CDCA2: variants seen among roughly 807,000 people sequenced by gnomAD.
CDCA2 encodes cell division cycle associated 2.
In CDCA2, 44 loss-of-function variants were observed where a neutral mutation model predicts 67.0. The observed-to-expected ratio is 0.66, with a 90% confidence interval of 0.52 to 0.84. CDCA2 has a LOEUF of 0.84. CDCA2 is among the 40% of genes least tolerant of loss of function. The probability of loss-of-function intolerance (pLI) is 0.00; values close to 1 mark genes in which losing one functional copy is unlikely to be tolerated. For missense variants in CDCA2, 1,253 were observed against 1,203.2 expected, an observed-to-expected ratio of 1.04 and a Z score of -0.61; for synonymous variants, 447 against 418.7, an observed-to-expected ratio of 1.07 and a Z score of -0.82.
rs779013130 is a variant in CDCA2 at position 25,484,049 on chromosome 8, G to A, written c.1204G>A (p.Glu402Lys). 1.2e-6 allele frequency: 2 copies of A among 1,614,060 alleles called. No individual in the cohort carries two copies. Among genetic ancestry groups the A allele is most frequent in the African/African-American group, 2.7e-5 (2 of 74,916 alleles). The change falls in exon 10 of 15, where the codon GAA (glutamate) becomes AAA (lysine). Residue 402 changes from glutamate (E) to lysine (K), a missense_variant. Coordinates refer to ENST00000330560, the MANE Select transcript of CDCA2 (RefSeq NM_152562.4). ...TACTTTTGGAGAGGACTTAAGCCCG[G>A]AAGTGTTTGATGAATCTTTGCCAGC... ...RVTFGEDLSP[E>K]VFDESLPANT...
At chr8:25,493,801 A>C (rs1052461947) in intron 13 of CDCA2, among the ~76,000 whole-genome samples, 2 of 152,190 alleles carry the variant, frequency 1.3e-5, no homozygotes, top group African/African-American at 4.8e-5. Context: ...GCACACTCAT[A>C]CATTTTCTGC....
chr8:25,493,758 C>T (rs1586516918), intron 13 of CDCA2, among the ~76,000 whole-genome samples: 1 of 152,144 alleles, frequency 6.6e-6, no homozygotes, highest in South Asian at 2.1e-4. Context: ...AAGTTGACAG[C>T]ATACTCACGT....
At position 25,503,704 on chromosome 8, in the gene CDCA2, G is replaced by A. The variant is rs1057297670; in HGVS notation, c.1843+160G>A. On this transcript the variant is annotated intron_variant, in intron 14 of 14. Transcript: ENST00000330560. Reference sequence around the variant, plus strand: ...ATTACCATGAGGATTTCAAATGGAGGAAACAGTCACGTGTAACTTGTAGGT... The same window carrying A: ...ATTACCATGAGGATTTCAAATGGAGAAAACAGTCACGTGTAACTTGTAGGT... The A allele has an allele frequency of 1.3e-5, 8 of 637,390 alleles. No individual in the cohort carries two copies. In the Admixed American group the frequency reaches 2.7e-4, roughly 21 times the overall value. The allele number at this position is 637,390 out of a possible 1,614,324, so 39.5% of individuals were successfully genotyped here. A position where few individuals can be genotyped will look rare whatever the true frequency, so the allele number is the denominator to read the frequency against.
rs768990058 is a variant in CDCA2 at position 25,507,199 on chromosome 8, G to GA, written c.2540dup (p.Asn847LysfsTer17). 170 of 1,613,972 alleles carry GA rather than the reference G, an allele frequency of 1.1e-4. No homozygotes were observed. The highest frequency in any genetic ancestry group is 9.7e-5 in the Non-Finnish European group (115 of 1,180,010). On this transcript the variant is annotated frameshift_variant, in exon 15 of 15. Transcript: ENST00000330560. LOFTEE classifies it low-confidence loss of function (END_TRUNC). ...TTCTGATGGTCGAAGTTTACATTTG[G>GA]AAAAAAATGGAAATCACACACCATC... is the stretch of plus-strand genomic sequence containing the variant.
At chr8:25,473,386 A>G (rs1049407401) in intron 7 of CDCA2, among the ~76,000 whole-genome samples, 1 of 152,186 alleles carries the variant, frequency 6.6e-6, no homozygotes, top group Admixed American at 6.5e-5. Flanking sequence ...AATTTTATCA[A>G]ATGCTTTTTC....
chr8:25,472,712 A>C (rs1303319030), intron 7 of CDCA2, among the ~76,000 whole-genome samples: 1 of 152,134 alleles, frequency 6.6e-6, no homozygotes, highest in Non-Finnish European at 1.5e-5. Context: ...TCTTAAATTT[A>C]TTACTATTAT....
intron 3 of CDCA2, 27 bp from the exon 4 acceptor site, chr8:25,462,027 C>G (rs1802710987): frequency 1.2e-5 from 19 of 1,603,118 alleles, no homozygotes; most frequent in Non-Finnish European, 1.6e-5. Flanking sequence ...TTGTTTTGTT[C>G]CAATTTATAA....
chr8:25,479,884 C>T (rs750868160), intron 7 of CDCA2, 29 bp from the exon 8 acceptor site: 3 of 1,593,844 alleles, frequency 1.9e-6, no homozygotes, highest in East Asian at 2.2e-5. Context: ...AGATCTTCTG[C>T]CTCTCAAGTT....
intron 8 of CDCA2, among the ~76,000 whole-genome samples, chr8:25,482,467 C>G (rs944257061): frequency 6.6e-6 from 1 of 152,020 alleles, no homozygotes; most frequent in African/African-American, 2.4e-5. Flanking sequence ...GAACCAACCA[C>G]AGATCAAAAA....
In CDCA2 at chr8:25,477,943, T is replaced by C. The variant is rs184776412; in HGVS notation, c.821-1970T>C. ...TTTTTCTTTTCCTTTTTTTTTTTTT[T>C]CTTAAGTTAGAGTCTCGCTGTCACC... is the stretch of plus-strand genomic sequence containing the variant. On this transcript the variant is annotated intron_variant, in intron 7 of 14. Transcript: ENST00000330560. Among the ~76,000 whole-genome samples the C allele has an allele frequency of 2.3e-3, 352 of 151,674 alleles. 2 individuals are homozygous for C. In the South Asian group the frequency reaches 0.027, roughly 12 times the overall value.
chr8:25,484,863 A>G (rs1030161129), intron 10 of CDCA2, among the ~76,000 whole-genome samples: 1 of 152,188 alleles, frequency 6.6e-6, no homozygotes, highest in Non-Finnish European at 1.5e-5. Flanking sequence ...GGGGTAGGTT[A>G]ATTGATGTCA....
rs1804748940 is a variant in CDCA2 at position 25,507,854 on chromosome 8, A to T, written c.*116A>T. Reference sequence around the variant, plus strand: ...GTGTTTCAAAAGTTCCTAATAAATAAACTCATTTGAGTTGAACCTACTTTT... The same window carrying T: ...GTGTTTCAAAAGTTCCTAATAAATATACTCATTTGAGTTGAACCTACTTTT... On this transcript the variant is annotated 3_prime_UTR_variant, in exon 15 of 15. Transcript: ENST00000330560. The T allele has an allele frequency of 9.0e-7, 1 of 1,105,636 alleles. No individual in the cohort carries two copies. Among genetic ancestry groups the T allele is most frequent in the African/African-American group, 1.6e-5 (1 of 63,796 alleles). The allele number at this position is 1,105,636 out of a possible 1,614,324, so 68.5% of individuals were successfully genotyped here. A position where few individuals can be genotyped will look rare whatever the true frequency, so the allele number is the denominator to read the frequency against.
At chr8:25,496,893 C>T (rs1190761896) in intron 13 of CDCA2, among the ~76,000 whole-genome samples, 2 of 152,086 alleles carry the variant, frequency 1.3e-5, no homozygotes, top group African/African-American at 4.8e-5. Flanking sequence ...TTTGGGAAAA[C>T]GTAATTGCAG....
At chr8:25,504,388 C>T (rs1017359663) in intron 14 of CDCA2, among the ~76,000 whole-genome samples, 3 of 151,710 alleles carry the variant, frequency 2.0e-5, no homozygotes, top group African/African-American at 4.8e-5. Context: ...GCCTCAGCCT[C>T]CCAAACTACT....
At chr8:25,483,757 G>A (rs1319096509) in intron 9 of CDCA2, among the ~76,000 whole-genome samples, 1 of 152,006 alleles carries the variant, frequency 6.6e-6, no homozygotes, top group Non-Finnish European at 1.5e-5. Context: ...ATTTTTACTT[G>A]GAAATCTGTT....
At chr8:25,461,056 T>G (rs1460751873) in intron 3 of CDCA2, among the ~76,000 whole-genome samples, 1 of 150,786 alleles carries the variant, frequency 6.6e-6, no homozygotes, top group Non-Finnish European at 1.5e-5. Flanking sequence ...TCACCGGAGG[T>G]CAGGAGTTCG....
intron 8 of CDCA2, among the ~76,000 whole-genome samples, chr8:25,481,233 C>CAA (rs11438950): frequency 0.019 from 2,446 of 128,674 alleles, 61 homozygotes; most frequent in Non-Finnish European, 0.026. Context: ...CAGTCTGGGA[C>CAA]AAAAAAAAAA....
intron 7 of CDCA2, among the ~76,000 whole-genome samples, chr8:25,476,340 C>T (rs1803346906): frequency 6.6e-6 from 1 of 152,146 alleles, no homozygotes; most frequent in African/African-American, 2.4e-5. Flanking sequence ...TTTGCCAAAC[C>T]TGGCAGCTCT....
At chr8:25,504,867 C>T (rs186625029) in intron 14 of CDCA2, among the ~76,000 whole-genome samples, 14 of 152,338 alleles carry the variant, frequency 9.2e-5, no homozygotes, top group Admixed American at 7.2e-4. Context: ...CTATGTTCCC[C>T]TGCTCCCTAA....
Sources: gnomAD v4.1 joint callset for allele counts (sites outside exome capture counted in the v4.1 genomes callset) on GRCh38, gnomAD v4.1.1 for gene constraint, MANE v1.5 for transcripts, NCBI Gene and HGNC (gene_info 2026-07-23, HGNC 2026-07-21) for gene names.